WWOX: variants seen among roughly 807,000 people sequenced by gnomAD.
WWOX encodes WW domain containing oxidoreductase, also known as WW domain-containing oxidoreductase.
Under a neutral mutation model 46.2 loss-of-function variants are expected in WWOX, and 69 were observed. That is an observed-to-expected ratio of 1.49 (90% CI 1.23 to 1.82). The LOEUF (loss-of-function observed/expected upper bound fraction) is 1.82. Among genes scored for constraint, WWOX ranks in the 40% most tolerant of loss-of-function variants. WWOX has a pLI of 0.00. For synonymous variants in WWOX, 359 were observed against 202.6 expected, an observed-to-expected ratio of 1.77 and a Z score of -6.56; for missense variants, 919 against 542.6, an observed-to-expected ratio of 1.69 and a Z score of -6.89.
intron 6 of WWOX, among the ~76,000 whole-genome samples, chr16:78,420,925 C>T (rs2100203722): frequency 6.6e-6 from 1 of 152,056 alleles, no homozygotes; most frequent in Non-Finnish European, 1.5e-5. Flanking sequence ...GTATGAATCA[C>T]ACATATTAAT....
chr16:78,623,603 C>T (rs186647839), intron 8 of WWOX, among the ~76,000 whole-genome samples: 2 of 151,890 alleles, frequency 1.3e-5, no homozygotes, highest in South Asian at 2.1e-4. Context: ...TCACTTGAAC[C>T]CGAGAGGCAG....
intron 8 of WWOX, among the ~76,000 whole-genome samples, chr16:78,932,836 G>A (rs977361630): frequency 6.6e-6 from 1 of 152,162 alleles, no homozygotes; most frequent in Non-Finnish European, 1.5e-5. Flanking sequence ...GAGGAGCAAG[G>A]AGGCATTTGG....
intron 8 of WWOX, among the ~76,000 whole-genome samples, chr16:78,475,017 A>G (rs2084321157): frequency 6.6e-6 from 1 of 152,220 alleles, no homozygotes; most frequent in Admixed American, 6.5e-5. Context: ...GTAGCCACCA[A>G]GAGCCACTAA....
intron 8 of WWOX, among the ~76,000 whole-genome samples, chr16:78,797,172 C>T (rs975560951): frequency 9.9e-5 from 15 of 151,984 alleles, no homozygotes. Flanking sequence ...CCTGCCCTGT[C>T]TGCCTCATTG....
chr16:78,512,134 A>C (rs1225285211), intron 8 of WWOX, among the ~76,000 whole-genome samples: 1 of 152,188 alleles, frequency 6.6e-6, no homozygotes, highest in Non-Finnish European at 1.5e-5. Context: ...AATAATGATA[A>C]AGATTGTGTG....
intron 8 of WWOX, among the ~76,000 whole-genome samples, chr16:78,689,483 C>A (rs1332884450): frequency 6.6e-6 from 1 of 152,232 alleles, no homozygotes. Context: ...CTCAACTAGA[C>A]CTTGACCTTG....
intron 8 of WWOX, among the ~76,000 whole-genome samples, chr16:79,050,573 G>T (rs1311023284): frequency 6.6e-6 from 1 of 152,210 alleles, no homozygotes; most frequent in African/African-American, 2.4e-5. Flanking sequence ...CCGGGGCATG[G>T]ATCCAGAGAG....
chr16:78,430,894 C>T (rs2083201866), intron 7 of WWOX, among the ~76,000 whole-genome samples: 1 of 152,148 alleles, frequency 6.6e-6, no homozygotes, highest in Non-Finnish European at 1.5e-5. Context: ...TTAGCCCAAC[C>T]TGAGCTGCTG....
At chr16:78,850,723 G>T (rs1395066362) in intron 8 of WWOX, among the ~76,000 whole-genome samples, 1 of 152,170 alleles carries the variant, frequency 6.6e-6, no homozygotes, top group Non-Finnish European at 1.5e-5. Flanking sequence ...AACCAGGGGT[G>T]TGTGGACTCA....
chr16:79,051,280 A>T (rs1277033700), intron 8 of WWOX, among the ~76,000 whole-genome samples: 4 of 152,320 alleles, frequency 2.6e-5, no homozygotes, highest in South Asian at 2.1e-4. Context: ...TTTTTGCATC[A>T]TGCGCAGGAG....
intron 5 of WWOX, among the ~76,000 whole-genome samples, chr16:78,328,181 T>A (rs2080672369): frequency 6.6e-6 from 1 of 152,076 alleles, no homozygotes; most frequent in Admixed American, 6.6e-5. Context: ...GAGTTCTGAT[T>A]TCTTAAATTT....
intron 8 of WWOX, among the ~76,000 whole-genome samples, chr16:78,715,645 T>A (rs528773886): frequency 2.0e-5 from 3 of 151,888 alleles, no homozygotes; most frequent in African/African-American, 7.3e-5. Context: ...ACACCCAGCT[T>A]TTTGTATTTT....
chr16:79,037,816 C>T (rs1005300831), intron 8 of WWOX, among the ~76,000 whole-genome samples: 1 of 152,170 alleles, frequency 6.6e-6, no homozygotes, highest in African/African-American at 2.4e-5. Context: ...GTCAGGAGAT[C>T]TTTCTGCCAG....
chr16:78,544,176 G>C (rs1444767319), intron 8 of WWOX, among the ~76,000 whole-genome samples: 6 of 152,164 alleles, frequency 3.9e-5, no homozygotes, highest in African/African-American at 9.7e-5. Context: ...ATAAAAAATT[G>C]AGTTTTGAGA....
chr16:78,617,807 C>T (rs1321215457), intron 8 of WWOX, among the ~76,000 whole-genome samples: 2 of 152,236 alleles, frequency 1.3e-5, no homozygotes, highest in East Asian at 1.9e-4. Flanking sequence ...CCAGGAACTC[C>T]GTTAATGTTT....
chr16:78,411,884 A>C (rs1348796013), intron 6 of WWOX, among the ~76,000 whole-genome samples: 1 of 152,202 alleles, frequency 6.6e-6, no homozygotes, highest in African/African-American at 2.4e-5. Flanking sequence ...GACTGTTCCC[A>C]GAGGAGAGCG....
intron 8 of WWOX, among the ~76,000 whole-genome samples, chr16:78,653,319 C>T (rs1366966760): frequency 6.6e-6 from 1 of 152,124 alleles, no homozygotes; most frequent in Non-Finnish European, 1.5e-5. Context: ...TAAAAAATAA[C>T]TCAGGCTTAT....
intron 8 of WWOX, among the ~76,000 whole-genome samples, chr16:79,044,843 G>A (rs760441365): frequency 4.6e-5 from 7 of 152,164 alleles, no homozygotes; most frequent in Non-Finnish European, 7.4e-5. Flanking sequence ...TAACAGCTCT[G>A]TGACCCTGTA....
chr16:79,076,850 C>T (rs2048666798), intron 8 of WWOX, among the ~76,000 whole-genome samples: 1 of 152,226 alleles, frequency 6.6e-6, no homozygotes, highest in Non-Finnish European at 1.5e-5. Flanking sequence ...ACAACAATGG[C>T]TAACATGTAT....
Sources: gnomAD v4.1 joint callset for allele counts (sites outside exome capture counted in the v4.1 genomes callset) on GRCh38, gnomAD v4.1.1 for gene constraint, MANE v1.5 for transcripts, NCBI Gene and HGNC (gene_info 2026-07-23, HGNC 2026-07-21) for gene names.